Variants in LIX1L observed in about 807,000 individuals in gnomAD.
LIX1L encodes limb and CNS expressed 1 like, also known as LIX1-like protein.
A neutral mutation model predicts 34.0 loss-of-function variants in LIX1L; 20 were observed. The observed-to-expected ratio is 0.59, with a 90% CI of 0.41 to 0.85. The LOEUF is 0.85. Among genes scored for constraint, LIX1L ranks in the 40% least tolerant of loss-of-function variants. The pLI is 0.00. For missense variants in LIX1L, 397 were observed against 447.0 expected, an observed-to-expected ratio of 0.89 and a Z score of 1.01; for synonymous variants, 170 against 187.4, an observed-to-expected ratio of 0.91 and a Z score of 0.76.
rs1553758819 is a variant in LIX1L, at chr1:145,942,713, A to T, written c.597T>A (p.Asn199Lys). Reference sequence around the variant, plus strand: ...TTCCTTCCAGCTCCATACAACTTACATTAAAAGATGCCAGGGCCTCAGAGA... The same window carrying T: ...TTCCTTCCAGCTCCATACAACTTACTTTAAAAGATGCCAGGGCCTCAGAGA... ...KSVSEALASFNGNREEADNPN... is the reference protein window; with the variant it reads ...KSVSEALASFKGNREEADNPN... Residue 199 changes from asparagine to lysine, a missense_variant and splice_region_variant, in exon 3 of 6, where the codon AAT becomes AAA. Transcript: ENST00000604000. The T allele has an allele frequency of 6.2e-7, 1 of 1,613,990 alleles. No homozygotes were observed. Among genetic ancestry groups the T allele is most frequent in the East Asian group, 2.2e-5 (1 of 44,874 alleles).
At chr1:145,945,380 A>T (rs1379817162) in intron 2 of LIX1L, among the ~76,000 whole-genome samples, 1 of 151,856 alleles carries the variant, frequency 6.6e-6, no homozygotes, top group Non-Finnish European at 1.5e-5. Flanking sequence ...AAATCAAATT[A>T]CTATAATGTT....
rs1649150169 is a variant in LIX1L at position 145,947,389 on chromosome 1, A to G, written c.456+230T>C. 4 of 540,822 alleles carry G rather than the reference A, an allele frequency of 7.4e-6. No homozygotes were observed. The East Asian group carries it at 8.9e-5, about 12-fold the overall frequency. 33.5% of individuals were successfully genotyped at this position (540,822 alleles called of 1,614,324 possible). ...AGTCGGATATACTGAGCAAGGGGAT[A>G]TTCATAACTGCTCAAATTCAAAATG... On this transcript the variant is annotated intron_variant, in intron 2 of 5. Coordinates refer to ENST00000604000, the MANE Select transcript of LIX1L (RefSeq NM_153713.3).
intron 3 of LIX1L, among the ~76,000 whole-genome samples, chr1:145,939,206 A>G (rs1648785453): frequency 6.6e-6 from 1 of 151,484 alleles, no homozygotes; most frequent in East Asian, 1.9e-4. Context: ...GTACTGTGCT[A>G]TTTTATATGA....
intron 1 of LIX1L, among the ~76,000 whole-genome samples, chr1:145,950,006 G>A (rs1159538684): frequency 6.6e-6 from 1 of 152,034 alleles, no homozygotes; most frequent in Middle Eastern, 3.2e-3. Context: ...TGTAGAGACA[G>A]AGTTTCACTA....
At position 145,957,849 on chromosome 1, in the gene LIX1L, C is replaced by A; in HGVS notation, c.79G>T (p.Gly27Ter). 6.9e-7 allele frequency: 1 copy of A among 1,442,326 alleles called. No homozygotes were observed. 89.3% of individuals were successfully genotyped at this position (1,442,326 alleles called of 1,614,324 possible). ...GRGTLRALRP[G>*]VTGAAAATAT... ...GTGGCGGCCGCGGCCCCAGTCACTC[C>A]GGGCCGCAGCGCTCGGAGAGTGCCC... The change falls in exon 1 of 6, where the codon GGA becomes TGA. Residue 27 changes from glycine (G) to a stop codon, truncating the protein, a stop_gained. Coordinates refer to ENST00000604000, the MANE Select transcript of LIX1L (RefSeq NM_153713.3). LOFTEE classifies it high-confidence loss of function.
At chr1:145,953,809 T>C (rs111674280) in intron 1 of LIX1L, among the ~76,000 whole-genome samples, 3 of 152,180 alleles carry the variant, frequency 2.0e-5, no homozygotes, top group African/African-American at 7.2e-5. Context: ...ATTCCAGCAC[T>C]TTGGGAGGCC....
Position 145,943,874 on chromosome 1 carries a change from C to CAA in LIX1L, c.457-1023_457-1022dup, listed in dbSNP as rs1294799465. On this transcript the variant is annotated intron_variant, in intron 2 of 5. Transcript: ENST00000604000. ...AACATAGCAAGACCCCTGTCTCTAC[C>CAA]AAAAAAAAAAAAGAAAAAATTAGCC... Among the ~76,000 whole-genome samples the CAA allele has an allele frequency of 4.9e-3, 640 of 130,702 alleles. 4 individuals carry two copies. Among genetic ancestry groups the CAA allele is most frequent in the African/African-American group, 0.017 (607 of 35,620 alleles). 85.7% of individuals were successfully genotyped at this position (130,702 alleles called of 152,430 possible). A position where few individuals can be genotyped will look rare whatever the true frequency, so the allele number is the denominator to read the frequency against.
chr1:145,940,809 C>T (rs148050974), intron 3 of LIX1L, among the ~76,000 whole-genome samples: 531 of 151,548 alleles, frequency 3.5e-3, no homozygotes, highest in Non-Finnish European at 6.2e-3. Context: ...CCTCGGCCTC[C>T]GAAAGTGCTG....
Position 145,957,829 on chromosome 1 carries a change from G to A in LIX1L, c.99C>T (p.Ala33=), listed in dbSNP as rs2282013. The A allele has an allele frequency of 0.91, 1,269,283 of 1,395,104 alleles. 578,363 individuals carry two copies. The highest frequency in any genetic ancestry group is 0.93 in the Admixed American group (30,979 of 33,276). The allele number at this position is 1,395,104 out of a possible 1,614,324, so 86.4% of individuals were successfully genotyped here. A position where few individuals can be genotyped will look rare whatever the true frequency, so the allele number is the denominator to read the frequency against. Residue 33 remains alanine, a synonymous_variant, in exon 1 of 6, where the codon GCC becomes GCT. Coordinates refer to ENST00000604000, the MANE Select transcript of LIX1L (RefSeq NM_153713.3). The part of the protein sequence containing the change: ...ALRPGVTGAA[A]ATATPPAGPP... ...GGCCCGCAGGGGGTGTGGCGGTGGCGGCCGCGGCCCCAGTCACTCCGGGCC... is the reference window on the plus strand; with the variant it reads ...GGCCCGCAGGGGGTGTGGCGGTGGCAGCCGCGGCCCCAGTCACTCCGGGCC...
intron 2 of LIX1L, among the ~76,000 whole-genome samples, chr1:145,945,932 CAA>C (rs782015208): frequency 1.3e-4 from 9 of 71,894 alleles, no homozygotes; most frequent in Admixed American, 4.5e-4. Flanking sequence ...CTAAAAATAC[CAA>C]AAAAAAAAAA....
chr1:145,937,128 A>AT (rs1160453784), intron 4 of LIX1L, 143 bp from the exon 5 acceptor site: 1 of 194,776 alleles, frequency 5.1e-6, no homozygotes, highest in Non-Finnish European at 1.0e-5. Flanking sequence ...GGGAAGAAAA[A>AT]TATTTATTTA....
chr1:145,952,450 C>CGT (rs1229146314), intron 1 of LIX1L, among the ~76,000 whole-genome samples: 2 of 152,108 alleles, frequency 1.3e-5, no homozygotes, highest in Non-Finnish European at 2.9e-5. Context: ...CTCAAAGTCT[C>CGT]TCACAAGAAA....
At chr1:145,941,240 A>G (rs1481808013) in intron 3 of LIX1L, 1 of 142,560 alleles carries the variant, frequency 7.0e-6, no homozygotes, top group Non-Finnish European at 1.5e-5. Flanking sequence ...AATTTAGTAT[A>G]TGTAATTACA....
intron 2 of LIX1L, among the ~76,000 whole-genome samples, chr1:145,946,443 C>G (rs868921538): frequency 6.6e-6 from 1 of 151,938 alleles, no homozygotes; most frequent in Non-Finnish European, 1.5e-5. Context: ...GTGATCCACC[C>G]GCCTCGGCCT....
intron 2 of LIX1L, chr1:145,947,415 G>A (rs920759091): frequency 1.7e-5 from 10 of 577,268 alleles, no homozygotes; most frequent in African/African-American, 1.7e-4. Flanking sequence ...ATTCAAAATG[G>A]GTTTGAGTTT....
chr1:145,939,773 G>A (rs1648822881), intron 3 of LIX1L: 4 of 151,310 alleles, frequency 2.6e-5, no homozygotes, highest in Admixed American at 2.6e-4. Context: ...AAGTAGCTGG[G>A]ACTACAGATG....
chr1:145,937,171 T>C (rs11804367), intron 4 of LIX1L, among the ~76,000 whole-genome samples, 186 bp from the exon 5 acceptor site: 28,418 of 79,520 alleles, frequency 0.36, 2,708 homozygotes, highest in Non-Finnish European at 0.41. Flanking sequence ...TATTTATTTA[T>C]TTACTTACTT....
At position 145,957,896 on chromosome 1, in the gene LIX1L, G is replaced by C. The variant is rs1649552116; in HGVS notation, c.32C>G (p.Pro11Arg). The change falls in exon 1 of 6, where the codon CCT becomes CGT. Residue 11 changes from proline (P) to arginine (R), a missense_variant. Transcript: ENST00000604000. METMRAQRLQ[P>R]GVGTSGRGTL... ...GCCCCTCCCGCTGGTGCCCACACCA[G>C]GCTGCAGCCGCTGCGCTCGCATAGT... 1.3e-6 allele frequency: 2 copies of C among 1,489,294 alleles called. No individual in the cohort carries two copies. The highest frequency in any genetic ancestry group is 5.8e-5 in the East Asian group (2 of 34,706). 92.3% of individuals were successfully genotyped at this position (1,489,294 alleles called of 1,614,324 possible).
chr1:145,936,787 G>T, intron 5 of LIX1L, 121 bp downstream of exon 5: 1 of 834,390 alleles, frequency 1.2e-6, no homozygotes, highest in Non-Finnish European at 2.0e-6. Flanking sequence ...CTTAGGTAAG[G>T]CTTTCAATAT....
Sources: allele counts gnomAD v4.1 joint callset (sites outside exome capture counted in the v4.1 genomes callset), GRCh38; gene constraint gnomAD v4.1.1; transcripts MANE v1.5; gene names NCBI Gene and HGNC (gene_info 2026-07-23, HGNC 2026-07-21).